DNMT3B: variants seen among roughly 807,000 people sequenced by gnomAD.
DNMT3B encodes DNA methyltransferase 3 beta, also known as DNA (cytosine-5)-methyltransferase 3B.
In DNMT3B, 37 loss-of-function variants were observed where a neutral mutation model predicts 120.2. The ratio of observed to expected loss-of-function variants is 0.31; its 90% CI spans 0.24 to 0.40. DNMT3B has a LOEUF of 0.40. Among genes scored for constraint, DNMT3B ranks in the 10% least tolerant of loss-of-function variants. The pLI, the probability that DNMT3B is intolerant of heterozygous loss-of-function variation, is 1.00. For missense variants in DNMT3B, 878 were observed against 1,137.3 expected (o/e 0.77, Z 3.28); for synonymous variants, 412 against 442.8 (o/e 0.93, Z 0.87).
intron 6 of DNMT3B, among the ~76,000 whole-genome samples, chr20:32,787,981 G>T (rs912158225): frequency 6.6e-6 from 1 of 152,168 alleles, no homozygotes; most frequent in Admixed American, 6.5e-5. Flanking sequence ...GCCACGAGGA[G>T]CCAGGAAAAG....
chr20:32,808,111 T>A lies in DNMT3B; in HGVS notation c.*208T>A. ...CGCCTCCTTGTGCACAAATCAGACC[T>A]GGCTGCTTGGAGCAGCCTAACACGG... On this transcript the variant is annotated 3_prime_UTR_variant, in exon 23 of 23. Coordinates refer to ENST00000328111, the MANE Select transcript of DNMT3B (RefSeq NM_006892.4). 1 of 761,364 alleles carries A rather than the reference T, an allele frequency of 1.3e-6. No homozygotes were observed. Among genetic ancestry groups the A allele is most frequent in the South Asian group, 1.8e-5 (1 of 55,790 alleles). The allele number at this position is 761,364 out of a possible 1,614,324, so 47.2% of individuals were successfully genotyped here.
intron 9 of DNMT3B, 71 bp downstream of exon 9, chr20:32,792,841 C>A: frequency 6.3e-7 from 1 of 1,597,040 alleles, no homozygotes; most frequent in Admixed American, 1.7e-5. Flanking sequence ...GAGTCAGCCA[C>A]CCCTGCTGCC....
At chr20:32,790,812 G>A (rs1979889872) in intron 7 of DNMT3B, among the ~76,000 whole-genome samples, 1 of 152,140 alleles carries the variant, frequency 6.6e-6, no homozygotes, top group Non-Finnish European at 1.5e-5. Flanking sequence ...GACTGCAGGT[G>A]CACACCACTG....
Position 32,793,680 on chromosome 20 carries a change from A to G in DNMT3B, c.1126+85A>G, listed in dbSNP as rs561379276. ...TTGCATATAAAATGGTCACTGGAAA[A>G]GAATCAAATTTCTTGAAAAGTCAAT... On this transcript the variant is annotated intron_variant, in intron 10 of 22. Transcript: ENST00000328111. 7 of 1,496,346 alleles carry G rather than the reference A, an allele frequency of 4.7e-6. No individual in the cohort carries two copies. In the East Asian group the frequency reaches 9.2e-5, roughly 20 times the overall value. The allele number at this position is 1,496,346 out of a possible 1,614,324, so 92.7% of individuals were successfully genotyped here. A position where few individuals can be genotyped will look rare whatever the true frequency, so the allele number is the denominator to read the frequency against.
At chr20:32,806,462 T>C in intron 22 of DNMT3B, 135 bp downstream of exon 22, 1 of 846,772 alleles carries the variant, frequency 1.2e-6, no homozygotes, top group Non-Finnish European at 2.0e-6. Flanking sequence ...TAATAATACC[T>C]TTTCATAGTT....
At chr20:32,764,627 C>G (rs1401042645) in intron 1 of DNMT3B, among the ~76,000 whole-genome samples, 1 of 152,130 alleles carries the variant, frequency 6.6e-6, no homozygotes, top group Non-Finnish European at 1.5e-5. Context: ...GGGTTGGGGC[C>G]GTTTTTAAAG....
At chr20:32,771,420 C>T (rs1203454024) in intron 1 of DNMT3B, among the ~76,000 whole-genome samples, 4 of 152,074 alleles carry the variant, frequency 2.6e-5, no homozygotes, top group South Asian at 2.1e-4. Context: ...GTGGGCGGAT[C>T]GCCTGAGGTC....
intron 7 of DNMT3B, among the ~76,000 whole-genome samples, chr20:32,790,947 C>T (rs1210069512): frequency 6.6e-6 from 1 of 152,210 alleles, no homozygotes; most frequent in Non-Finnish European, 1.5e-5. Context: ...TAGGCCTGAG[C>T]CACTACGTCT....
At chr20:32,786,745 T>G in intron 5 of DNMT3B, 118 bp downstream of exon 5, 2 of 1,534,164 alleles carry the variant, frequency 1.3e-6, no homozygotes, top group Non-Finnish European at 1.8e-6. Flanking sequence ...CACACTGCTT[T>G]TCAGGTTCTT....
At chr20:32,782,750 A>G (rs1322571243) in intron 3 of DNMT3B, among the ~76,000 whole-genome samples, 1 of 152,134 alleles carries the variant, frequency 6.6e-6, no homozygotes, top group Non-Finnish European at 1.5e-5. Context: ...GAGCACATAT[A>G]GGGTTCCATC....
intron 12 of DNMT3B, among the ~76,000 whole-genome samples, chr20:32,796,021 T>C (rs1980580529): frequency 6.6e-6 from 1 of 152,170 alleles, no homozygotes; most frequent in Non-Finnish European, 1.5e-5. Flanking sequence ...AAGCTTTTAG[T>C]CACTTGCCTA....
At chr20:32,802,925 T>C (rs1423949251) in intron 20 of DNMT3B, among the ~76,000 whole-genome samples, 2 of 152,218 alleles carry the variant, frequency 1.3e-5, no homozygotes, top group Non-Finnish European at 2.9e-5. Flanking sequence ...CTTGAGCTTG[T>C]TGATGCTCCT....
chr20:32,773,283 T>G lies in DNMT3B; in HGVS notation c.-6-7035T>G, dbSNP rs1301866349. On this transcript the variant is annotated intron_variant, in intron 1 of 22. Coordinates refer to ENST00000328111, the MANE Select transcript of DNMT3B (RefSeq NM_006892.4). ...CACCACGCCTAGTTTATTTTTTGTA[T>G]GGACACACTCTTCTGATAATTCTGC... Among the ~76,000 whole-genome samples, 3 of 152,292 alleles carry G rather than the reference T, an allele frequency of 2.0e-5. No individual in the cohort carries two copies. In the East Asian group the frequency reaches 5.8e-4, roughly 29 times the overall value.
In DNMT3B at chr20:32,773,677, C is replaced by G. The variant is rs183577011; in HGVS notation, c.-6-6641C>G. Among the ~76,000 whole-genome samples, 3 of 149,506 alleles carry G rather than the reference C, an allele frequency of 2.0e-5. No individual in the cohort carries two copies. The East Asian group carries it at 5.9e-4, about 29-fold the overall frequency. On this transcript the variant is annotated intron_variant, in intron 1 of 22. Coordinates refer to ENST00000328111, the MANE Select transcript of DNMT3B (RefSeq NM_006892.4). ...CTGGGCCTAGAGTGCAGTGGCATGA[C>G]GATAGCTTTACTGCAGCCTCAACTT... is the stretch of plus-strand genomic sequence containing the variant.
At chr20:32,781,840 C>T (rs1978660356) in intron 3 of DNMT3B, among the ~76,000 whole-genome samples, 1 of 152,214 alleles carries the variant, frequency 6.6e-6, no homozygotes. Flanking sequence ...TAGGTGCTAC[C>T]TGCCTGTTAG....
In DNMT3B at chr20:32,806,291, G is replaced by T. The variant is rs1981975265; in HGVS notation, c.2384G>T (p.Gly795Val). 6.2e-7 allele frequency: 1 copy of T among 1,614,066 alleles called. No homozygotes were observed. Among genetic ancestry groups the T allele is most frequent in the African/African-American group, 1.3e-5 (1 of 74,910 alleles). Residue 795 changes from glycine (G) to valine (V), a missense_variant, in exon 22 of 23, where the codon GGC becomes GTC. By Grantham distance (109) the Gly-to-Val change is moderately radical (BLOSUM62 -3). Around this residue, in one of 4 missense-constraint regions of DNMT3B, gnomAD observed 334 missense variants for 518.8 expected, o/e 0.64. Transcript: ENST00000328111. ...CAACTTTTCCCTGTTGTCATGAATG[G>T]CAAAGAAGATGTTTTGTGGTGCACT... is the stretch of plus-strand genomic sequence containing the variant. ...KNQLFPVVMNGKEDVLWCTEL... is the reference protein window; with the variant it reads ...KNQLFPVVMNVKEDVLWCTEL...
chr20:32,787,538 G>A (rs1979473759), intron 6 of DNMT3B, 87 bp downstream of exon 6: 2 of 1,404,588 alleles, frequency 1.4e-6, no homozygotes, highest in East Asian at 2.5e-5. Flanking sequence ...TGGTAACAGA[G>A]CGACAACAGT....
At chr20:32,789,910 A>G (rs774631234) in intron 7 of DNMT3B, among the ~76,000 whole-genome samples, 14 of 152,234 alleles carry the variant, frequency 9.2e-5, no homozygotes, top group Non-Finnish European at 2.1e-4. Flanking sequence ...GATTTTAATC[A>G]GACAGACCTA....
rs933279737 is a variant in DNMT3B at position 32,796,911 on chromosome 20, C to T, written c.1377+42C>T. ...CTGCCCTGGACCTTCCTCCCCTTGC[C>T]TCCTCTAACTCCCCTCTCCTTCCCA... On this transcript the variant is annotated intron_variant, in intron 13 of 22. Transcript: ENST00000328111. 7 of 1,614,034 alleles carry T rather than the reference C, an allele frequency of 4.3e-6. No individual in the cohort carries two copies. The African/African-American group carries it at 5.3e-5, about 12-fold the overall frequency.
Sources: gnomAD v4.1 joint callset for allele counts (sites outside exome capture counted in the v4.1 genomes callset) on GRCh38, gnomAD v4.1.1 for gene constraint, gnomAD v4.1.1 regional missense constraint, MANE v1.5 for transcripts, NCBI Gene and HGNC (gene_info 2026-07-23, HGNC 2026-07-21) for gene names.